SLAIN2: variants seen among roughly 807,000 people sequenced by gnomAD.
The protein encoded by SLAIN2 is SLAIN motif-containing protein 2.
In SLAIN2, 31 loss-of-function variants were observed where a neutral mutation model predicts 56.6. The ratio of observed to expected loss-of-function variants is 0.55; its 90% CI spans 0.41 to 0.74. The LOEUF is 0.74. Ranked by LOEUF, SLAIN2 falls within the 30% of genes least tolerant of loss-of-function variation. The probability of loss-of-function intolerance (pLI) is 0.00; values close to 1 mark genes in which losing one functional copy is unlikely to be tolerated. For synonymous variants in SLAIN2, 317 were observed against 284.9 expected (o/e 1.11, Z -1.13); for missense variants, 777 against 754.2 (o/e 1.03, Z -0.35).
At chr4:48,397,737 C>G (rs1434150541) in intron 6 of SLAIN2, among the ~76,000 whole-genome samples, 1 of 152,084 alleles carries the variant, frequency 6.6e-6, no homozygotes, top group Non-Finnish European at 1.5e-5. Context: ...TCAGCTCTAA[C>G]TTGTGAGAAC....
chr4:48,383,640 G>A lies in SLAIN2; in HGVS notation c.1223-7G>A. ...ATGATTTTTTTAAAATTAAAATTCT[G>A]TTGCAGAAAAACTAAGACGCAGTCT... On this transcript the variant is annotated splice_region_variant and splice_polypyrimidine_tract_variant and intron_variant, in intron 5 of 7. Transcript: ENST00000264313. 6.6e-7 allele frequency: 1 copy of A among 1,511,728 alleles called. No individual in the cohort carries two copies. The highest frequency in any genetic ancestry group is 8.9e-7 in the Non-Finnish European group (1 of 1,121,808). The allele number at this position is 1,511,728 out of a possible 1,614,324, so 93.6% of individuals were successfully genotyped here. A position where few individuals can be genotyped will look rare whatever the true frequency, so the allele number is the denominator to read the frequency against.
chr4:48,384,025 T>C (rs1010631999), intron 6 of SLAIN2, among the ~76,000 whole-genome samples: 3 of 152,186 alleles, frequency 2.0e-5, no homozygotes, highest in Non-Finnish European at 4.4e-5. Context: ...CTCTGGTCTC[T>C]CCAGAATTTT....
Position 48,341,799 on chromosome 4 carries a change from G to A in SLAIN2, c.60G>A (p.Leu20=), listed in dbSNP as rs1308015543. The change falls in exon 1 of 8, where the codon CTG becomes CTA. Residue 20 remains leucine, a synonymous_variant. Transcript: ENST00000264313. ...AGGAGGTGCGGAAGCTGCAGGAGCT[G>A]GTGAAGAAGCTGGAGAAGCAGAACG... ...ADQEVRKLQE[L]VKKLEKQNEQ... is the part of the protein sequence containing the mutation. The A allele has an allele frequency of 1.3e-6, 2 of 1,531,442 alleles. No individual in the cohort carries two copies. Among genetic ancestry groups the A allele is most frequent in the African/African-American group, 1.4e-5 (1 of 70,614 alleles). The allele number at this position is 1,531,442 out of a possible 1,614,324, so 94.9% of individuals were successfully genotyped here.
rs550140437 is a variant in SLAIN2, at chr4:48,425,522, T to C, written c.*3445T>C. On this transcript the variant is annotated 3_prime_UTR_variant, in exon 8 of 8. Coordinates refer to ENST00000264313, the MANE Select transcript of SLAIN2 (RefSeq NM_020846.2). Reference sequence around the variant, plus strand: ...GTTCTCCATATTCCTTTAGGAGATATTTGCTTTGCAATTACATGTTACAAT... The same window carrying C: ...GTTCTCCATATTCCTTTAGGAGATACTTGCTTTGCAATTACATGTTACAAT... 11 of 152,308 alleles carry C rather than the reference T, an allele frequency of 7.2e-5. No homozygotes were observed. Among genetic ancestry groups the C allele is most frequent in the African/African-American group, 1.7e-4 (7 of 41,584 alleles). The allele number at this position is 152,308 out of a possible 1,614,324, so 9.4% of individuals were successfully genotyped here.
At chr4:48,398,549 T>A (rs1338223922) in intron 6 of SLAIN2, among the ~76,000 whole-genome samples, 5 of 152,234 alleles carry the variant, frequency 3.3e-5, no homozygotes, top group Admixed American at 3.3e-4. Context: ...CTTTTGGCAT[T>A]TTCATCATGC....
chr4:48,344,399 T>C (rs757056140), intron 1 of SLAIN2, among the ~76,000 whole-genome samples: 5 of 152,244 alleles, frequency 3.3e-5, no homozygotes, highest in Non-Finnish European at 7.3e-5. Flanking sequence ...CCTTTTCATC[T>C]AGAGGAATGT....
At chr4:48,373,310 C>T (rs991494848) in intron 2 of SLAIN2, among the ~76,000 whole-genome samples, 1 of 152,098 alleles carries the variant, frequency 6.6e-6, no homozygotes, top group Non-Finnish European at 1.5e-5. Context: ...AAATTCTGTA[C>T]CCGTGTTAAC....
intron 2 of SLAIN2, among the ~76,000 whole-genome samples, chr4:48,375,963 C>T (rs1448397205): frequency 6.6e-6 from 1 of 152,248 alleles, no homozygotes; most frequent in Non-Finnish European, 1.5e-5. Flanking sequence ...TTACTCCTAA[C>T]TCTTCCTTTC....
At chr4:48,360,147 C>G (rs1208455433) in intron 1 of SLAIN2, among the ~76,000 whole-genome samples, 2 of 138,830 alleles carry the variant, frequency 1.4e-5, no homozygotes, top group Admixed American at 7.3e-5. Context: ...GAGCGAGACT[C>G]TGTCTCAAAA....
At chr4:48,356,249 G>A (rs1715150619) in intron 1 of SLAIN2, among the ~76,000 whole-genome samples, 1 of 152,074 alleles carries the variant, frequency 6.6e-6, no homozygotes, top group East Asian at 1.9e-4. Flanking sequence ...TAAACTGCAT[G>A]GATTATGCAT....
chr4:48,385,641 T>TC (rs1203652519), intron 6 of SLAIN2, among the ~76,000 whole-genome samples: 1 of 151,840 alleles, frequency 6.6e-6, no homozygotes, highest in Non-Finnish European at 1.5e-5. Context: ...TTTTTTTCTT[T>TC]TTTTTTTGAT....
intron 6 of SLAIN2, among the ~76,000 whole-genome samples, chr4:48,409,407 T>G (rs1716786829): frequency 6.6e-6 from 1 of 152,194 alleles, no homozygotes; most frequent in African/African-American, 2.4e-5. Flanking sequence ...ACTCAGATGT[T>G]CCTACACGGA....
chr4:48,358,612 G>A (rs1403883654), intron 1 of SLAIN2, among the ~76,000 whole-genome samples: 4 of 149,366 alleles, frequency 2.7e-5, no homozygotes, highest in Admixed American at 6.7e-5. Flanking sequence ...CACTGCGCGC[G>A]GCCCAACAAA....
intron 2 of SLAIN2, among the ~76,000 whole-genome samples, chr4:48,371,084 G>GTTTTTGT (rs554782492): frequency 1.3e-5 from 2 of 150,110 alleles, no homozygotes; most frequent in East Asian, 1.9e-4. Flanking sequence ...AAGCCCTTTT[G>GTTTTTGT]TTTTTGTTTT....
intron 2 of SLAIN2, among the ~76,000 whole-genome samples, chr4:48,372,405 T>C (rs1400076609): frequency 1.3e-5 from 2 of 152,224 alleles, no homozygotes; most frequent in African/African-American, 2.4e-5. Context: ...TCTTGTAGCA[T>C]GCAAGCAGCC....
In SLAIN2 at chr4:48,371,994, GCA is replaced by G. The variant is rs571522686; in HGVS notation, c.538+2014_538+2015del. 5.0e-3 allele frequency among the ~76,000 whole-genome samples: 700 copies of G among 139,116 alleles called. 3 individuals carry two copies. The highest frequency in any genetic ancestry group is 0.014 in the South Asian group (64 of 4,436). 91.3% of individuals were successfully genotyped at this position (139,116 alleles called of 152,430 possible). A position where few individuals can be genotyped will look rare whatever the true frequency, so the allele number is the denominator to read the frequency against. ...TATACACACACACACACACACGCGCGCACACACACACACACACATATACATAT... is the reference window on the plus strand; with the variant it reads ...TATACACACACACACACACACGCGCGCACACACACACACACATATACATAT... On this transcript the variant is annotated intron_variant, in intron 2 of 7. Transcript: ENST00000264313.
chr4:48,421,175 C>T (rs1000399923), intron 7 of SLAIN2, among the ~76,000 whole-genome samples: 6 of 152,150 alleles, frequency 3.9e-5, no homozygotes, highest in Admixed American at 2.0e-4. Flanking sequence ...ACCACCATGC[C>T]TGGCTAATTT....
chr4:48,358,766 G>C (rs1715237141), intron 1 of SLAIN2, among the ~76,000 whole-genome samples: 1 of 151,574 alleles, frequency 6.6e-6, no homozygotes, highest in Non-Finnish European at 1.5e-5. Context: ...TGTCGTCCAG[G>C]CTGGAGTGCA....
chr4:48,369,866 A>G lies in SLAIN2; in HGVS notation c.407A>G (p.Lys136Arg), dbSNP rs1405355634. Reference protein sequence around the residue: ...EEESWLYSSPKKKLTPMQKSV... With the variant: ...EEESWLYSSPRKKLTPMQKSV... ...TCTTCTAGGCTGTATTCATCACCAA[A>G]GAAAAAACTTACACCAATGCAGAAA... Residue 136 changes from lysine to arginine, a missense_variant, in exon 2 of 8, where the codon AAG (lysine) becomes AGG (arginine). Lys to Arg is a conservative substitution (Grantham distance 26). Coordinates refer to ENST00000264313, the MANE Select transcript of SLAIN2 (RefSeq NM_020846.2). 1.2e-6 allele frequency: 2 copies of G among 1,613,328 alleles called. No individual in the cohort carries two copies. Among genetic ancestry groups the G allele is most frequent in the African/African-American group, 1.3e-5 (1 of 74,916 alleles).
Sources: gnomAD v4.1 joint callset for allele counts (sites outside exome capture counted in the v4.1 genomes callset) on GRCh38, gnomAD v4.1.1 for gene constraint, MANE v1.5 for transcripts, NCBI Gene and HGNC (gene_info 2026-07-23, HGNC 2026-07-21) for gene names.